The following SEMA6D variants were observed in gnomAD, a reference collection of about 807,000 sequenced individuals.
The protein encoded by SEMA6D is semaphorin 6D.
SEMA6D carries 35 observed loss-of-function variants against 106.6 expected under a neutral mutation model. The observed-to-expected ratio is 0.33, with a 90% confidence interval of 0.25 to 0.44. The LOEUF (loss-of-function observed/expected upper bound fraction) is 0.44. Ranked by LOEUF, SEMA6D falls within the 20% of genes least tolerant of loss-of-function variation. The probability of loss-of-function intolerance (pLI) is 1.00; values close to 1 mark genes in which losing one functional copy is unlikely to be tolerated. For missense variants in SEMA6D, 1,185 were observed against 1,345.9 expected (o/e 0.88, Z 1.87); for synonymous variants, 499 against 487.7 (o/e 1.02, Z -0.31).
At chr15:47,660,252 G>A (rs553757319) in intron 4 of SEMA6D, among the ~76,000 whole-genome samples, 1 of 152,036 alleles carries the variant, frequency 6.6e-6, no homozygotes, top group African/African-American at 2.4e-5. Flanking sequence ...CATACTTCTT[G>A]GAAGGGACCG....
chr15:47,238,391 AT>A, intron 1 of SEMA6D, among the ~76,000 whole-genome samples: 2 of 152,236 alleles, frequency 1.3e-5, no homozygotes, highest in East Asian at 1.9e-4. Flanking sequence ...ATGTCCTTTG[AT>A]TTGACCCCTC....
intron 1 of SEMA6D, among the ~76,000 whole-genome samples, chr15:47,278,257 C>T (rs1372045853): frequency 6.6e-6 from 1 of 152,228 alleles, no homozygotes; most frequent in Non-Finnish European, 1.5e-5. Context: ...TGTTTCTCCA[C>T]ATCCTCTCCA....
intron 4 of SEMA6D, among the ~76,000 whole-genome samples, chr15:47,667,369 A>G (rs982161707): frequency 2.0e-5 from 3 of 152,180 alleles, no homozygotes; most frequent in Non-Finnish European, 4.4e-5. Context: ...AGCTACACAT[A>G]TTCTCAAGCA....
At position 47,764,890 on chromosome 15, in the gene SEMA6D, C is replaced by G. The variant is rs1028488315; in HGVS notation, c.1261C>G (p.Leu421Val). ...TGCCGCCTCCTCTTGTAGGTACAGA[C>G]TGACGGCCATCTCAGTGGACCATTC... ...WFTKTRVRYR[L>V]TAISVDHSAG... The change falls in exon 13 of 19, where the codon CTG becomes GTG. Residue 421 changes from leucine to valine, a missense_variant. Physicochemically the swap from Leu to Val is conservative, Grantham distance 32. Transcript: ENST00000536845. The G allele has an allele frequency of 2.5e-6, 4 of 1,613,764 alleles. No homozygotes were observed. The highest frequency in any genetic ancestry group is 3.4e-6 in the Non-Finnish European group (4 of 1,179,854).
chr15:47,260,652 T>C (rs891225818), intron 1 of SEMA6D, among the ~76,000 whole-genome samples: 1 of 152,166 alleles, frequency 6.6e-6, no homozygotes, highest in Non-Finnish European at 1.5e-5. Flanking sequence ...CTCAGGCCCA[T>C]GGGGCAAAAG....
intron 1 of SEMA6D, among the ~76,000 whole-genome samples, chr15:47,308,930 C>T (rs2036334871): frequency 6.6e-6 from 1 of 152,176 alleles, no homozygotes; most frequent in Non-Finnish European, 1.5e-5. Flanking sequence ...GATTTGGCAT[C>T]ATATGGAGTA....
chr15:47,718,078 G>A (rs1182554458), intron 1 of SEMA6D, among the ~76,000 whole-genome samples: 1 of 152,208 alleles, frequency 6.6e-6, no homozygotes, highest in African/African-American at 2.4e-5. Context: ...TCAAGTAAAA[G>A]TTTCTTGCCA....
At chr15:47,741,545 C>T (rs186647949) in intron 1 of SEMA6D, among the ~76,000 whole-genome samples, 17 of 152,230 alleles carry the variant, frequency 1.1e-4, no homozygotes, top group African/African-American at 4.1e-4. Context: ...GGAGAAACCT[C>T]GTCTCTACTA....
intron 4 of SEMA6D, among the ~76,000 whole-genome samples, chr15:47,693,478 G>A (rs568953570): frequency 4.6e-5 from 7 of 152,184 alleles, no homozygotes; most frequent in African/African-American, 7.2e-5. Context: ...ATATATGAAA[G>A]TGAAAGGGAT....
At chr15:47,499,364 C>G (rs2043773094) in intron 3 of SEMA6D, among the ~76,000 whole-genome samples, 1 of 152,110 alleles carries the variant, frequency 6.6e-6, no homozygotes, top group African/African-American at 2.4e-5. Flanking sequence ...TGCATAACTT[C>G]CATGGCTTAC....
At chr15:47,568,218 C>T (rs568190609) in intron 3 of SEMA6D, among the ~76,000 whole-genome samples, 5 of 147,074 alleles carry the variant, frequency 3.4e-5, no homozygotes, top group East Asian at 4.0e-4. Context: ...AGACAAAAAC[C>T]GCAATTACTT....
intron 1 of SEMA6D, among the ~76,000 whole-genome samples, chr15:47,286,369 A>G (rs1200385833): frequency 6.6e-6 from 1 of 152,200 alleles, no homozygotes; most frequent in Non-Finnish European, 1.5e-5. Context: ...CAGGAGTTCT[A>G]TCAATACTAT....
chr15:47,399,507 T>C (rs558983291), intron 1 of SEMA6D: 2 of 152,270 alleles, frequency 1.3e-5, no homozygotes, highest in Non-Finnish European at 2.9e-5. Context: ...GCTGATGCCT[T>C]GGATCTGAAT....
chr15:47,569,009 G>A (rs1310632448), intron 3 of SEMA6D, among the ~76,000 whole-genome samples: 1 of 152,116 alleles, frequency 6.6e-6, no homozygotes, highest in Non-Finnish European at 1.5e-5. Flanking sequence ...AGGCCTCTGT[G>A]AAGCTTCGTG....
chr15:47,367,331 T>C (rs557136665), intron 1 of SEMA6D, among the ~76,000 whole-genome samples: 82 of 152,304 alleles, frequency 5.4e-4, no homozygotes, highest in Middle Eastern at 3.4e-3. Context: ...GAATAGATTA[T>C]TAATAACTAG....
At chr15:47,315,494 G>A (rs1028718911) in intron 1 of SEMA6D, among the ~76,000 whole-genome samples, 1 of 152,242 alleles carries the variant, frequency 6.6e-6, no homozygotes. Context: ...CTTCATGATT[G>A]TATCTTTTTA....
At chr15:47,523,520 G>A (rs1269672387) in intron 3 of SEMA6D, among the ~76,000 whole-genome samples, 3 of 152,098 alleles carry the variant, frequency 2.0e-5, no homozygotes, top group Non-Finnish European at 4.4e-5. Flanking sequence ...AGAGCTCATC[G>A]TCCTCTCATG....
At chr15:47,731,198 C>T (rs2080098559) in intron 1 of SEMA6D, among the ~76,000 whole-genome samples, 1 of 152,052 alleles carries the variant, frequency 6.6e-6, no homozygotes, top group African/African-American at 2.4e-5. Flanking sequence ...TTCAGAAATA[C>T]ATAGATAATA....
At chr15:47,551,810 G>C (rs918650611) in intron 3 of SEMA6D, among the ~76,000 whole-genome samples, 3 of 152,024 alleles carry the variant, frequency 2.0e-5, no homozygotes, top group Non-Finnish European at 4.4e-5. Flanking sequence ...AAATGCTTTA[G>C]AATTATGTAT....
Sources: allele counts gnomAD v4.1 joint callset (sites outside exome capture counted in the v4.1 genomes callset), GRCh38; gene constraint gnomAD v4.1.1; transcripts MANE v1.5; gene names NCBI Gene and HGNC (gene_info 2026-07-23, HGNC 2026-07-21).